MDGA2: variants seen among roughly 807,000 people sequenced by gnomAD.
MDGA2 encodes the protein MAM domain-containing glycosylphosphatidylinositol anchor protein 2.
Under a neutral mutation model 117.8 loss-of-function variants are expected in MDGA2, and 40 were observed. The ratio of observed to expected loss-of-function variants is 0.34; its 90% CI spans 0.26 to 0.44. The LOEUF (loss-of-function observed/expected upper bound fraction) is 0.44, where lower values mean the gene tolerates loss of function less well. MDGA2 is among the 20% of genes least tolerant of loss of function. The probability of loss-of-function intolerance (pLI) is 1.00; values close to 1 mark genes in which losing one functional copy is unlikely to be tolerated. For missense variants in MDGA2, 1,123 were observed against 1,250.6 expected (o/e 0.90, Z 1.54); for synonymous variants, 452 against 439.0 (o/e 1.03, Z -0.37).
intron 1 of MDGA2, among the ~76,000 whole-genome samples, chr14:47,312,228 A>G (rs945847169): frequency 3.3e-5 from 5 of 152,104 alleles, no homozygotes; most frequent in African/African-American, 9.7e-5. Flanking sequence ...TCGCTCTGTA[A>G]GTATGTATCT....
At chr14:46,997,669 G>T (rs1219838993) in intron 8 of MDGA2, among the ~76,000 whole-genome samples, 11 of 152,070 alleles carry the variant, frequency 7.2e-5, no homozygotes, top group Admixed American at 7.2e-4. Context: ...TGTTGTTACT[G>T]CTGCCAAAAA....
chr14:47,034,992 T>C lies in MDGA2; in HGVS notation c.1819+19A>G, dbSNP rs773700694. 1 of 1,594,866 alleles carries C rather than the reference T, an allele frequency of 6.3e-7. No homozygotes were observed. The highest frequency in any genetic ancestry group is 1.7e-5 in the Admixed American group (1 of 58,850). On this transcript the variant is annotated intron_variant, in intron 8 of 16. Transcript: ENST00000399232. The stretch of plus-strand genomic sequence containing the variant: ...TCCCTTGTCCCCATATGGAAATGCA[T>C]AAAAGGGAATTTACTTACACTGAAC...
chr14:47,465,292 A>C (rs1448689806), intron 1 of MDGA2, among the ~76,000 whole-genome samples: 1 of 152,202 alleles, frequency 6.6e-6, no homozygotes, highest in Admixed American at 6.5e-5. Context: ...CATGACAAAG[A>C]TACCAAAAGC....
At chr14:47,412,449 T>C (rs1482463057) in intron 1 of MDGA2, among the ~76,000 whole-genome samples, 2 of 152,070 alleles carry the variant, frequency 1.3e-5, no homozygotes, top group African/African-American at 4.8e-5. Flanking sequence ...ACCCAACTAA[T>C]GTTTTTAATT....
intron 7 of MDGA2, among the ~76,000 whole-genome samples, chr14:47,035,860 A>G (rs1465493919): frequency 6.6e-6 from 1 of 152,184 alleles, no homozygotes; most frequent in Non-Finnish European, 1.5e-5. Context: ...TGAATTTATT[A>G]TTATTTCACT....
chr14:47,592,837 C>G (rs1896466386), intron 1 of MDGA2, among the ~76,000 whole-genome samples: 1 of 152,168 alleles, frequency 6.6e-6, no homozygotes, highest in Non-Finnish European at 1.5e-5. Context: ...GCAAAGATTT[C>G]ATGACGAAAA....
rs772548359 is a variant in MDGA2 at position 47,239,559 on chromosome 14, G to T, written c.421-21364C>A. ...TACCAGGCATACAATTTTAATTGAA[G>T]AGAATTTTTGTTACTTCTTAATATT... On this transcript the variant is annotated intron_variant, in intron 2 of 16. Transcript: ENST00000399232. 5.3e-5 allele frequency among the ~76,000 whole-genome samples: 8 copies of T among 151,820 alleles called. 2 individuals are homozygous for T. The highest frequency in any genetic ancestry group is 1.2e-4 in the Non-Finnish European group (8 of 67,818).
At chr14:47,262,049 C>T (rs893713824) in intron 2 of MDGA2, among the ~76,000 whole-genome samples, 1 of 152,098 alleles carries the variant, frequency 6.6e-6, no homozygotes, top group African/African-American at 2.4e-5. Context: ...ACAGTAGTGG[C>T]TGTAAACAGG....
chr14:46,849,848 C>T (rs1332062683), intron 15 of MDGA2, among the ~76,000 whole-genome samples: 1 of 151,836 alleles, frequency 6.6e-6, no homozygotes, highest in Non-Finnish European at 1.5e-5. Flanking sequence ...AAACCATTTT[C>T]GTTTCCTCTT....
chr14:46,934,006 T>C (rs987251733), intron 9 of MDGA2, among the ~76,000 whole-genome samples: 3 of 151,448 alleles, frequency 2.0e-5, no homozygotes, highest in African/African-American at 7.3e-5. Flanking sequence ...TTTCTCAAAA[T>C]AAGTTTAGTT....
chr14:47,494,475 C>A (rs961113244), intron 1 of MDGA2, among the ~76,000 whole-genome samples: 1 of 152,116 alleles, frequency 6.6e-6, no homozygotes, highest in African/African-American at 2.4e-5. Context: ...TTCTCCCATT[C>A]TTTAGGTTGT....
Position 47,144,081 on chromosome 14 carries a change from G to T in MDGA2, c.789C>A (p.Thr263=), listed in dbSNP as rs953047307. 1 of 1,546,476 alleles carries T rather than the reference G, an allele frequency of 6.5e-7. No individual in the cohort carries two copies. Among genetic ancestry groups the T allele is most frequent in the African/African-American group, 1.4e-5 (1 of 72,844 alleles). ...AATACTGTACCTTAATTCATACCTGGGTAAAGAATGGTTCATAAATCTCAA... is the reference window on the plus strand; with the variant it reads ...AATACTGTACCTTAATTCATACCTGTGTAAAGAATGGTTCATAAATCTCAA... ...KGVEIYEPFF[T]QGETKILKLK... Residue 263 remains threonine (T), a synonymous_variant, in exon 4 of 17, where the codon ACC becomes ACA. Transcript: ENST00000399232.
intron 9 of MDGA2, among the ~76,000 whole-genome samples, chr14:46,951,831 C>G (rs991343911): frequency 1.3e-5 from 2 of 151,864 alleles, no homozygotes; most frequent in Non-Finnish European, 2.9e-5. Flanking sequence ...CACATAGAAA[C>G]TGTGAGACAA....
At chr14:47,251,460 T>C (rs1012354579) in intron 2 of MDGA2, among the ~76,000 whole-genome samples, 2 of 148,444 alleles carry the variant, frequency 1.3e-5, no homozygotes, top group Non-Finnish European at 3.0e-5. Flanking sequence ...CACTTTATTA[T>C]ATTTAGTACA....
intron 1 of MDGA2, among the ~76,000 whole-genome samples, chr14:47,361,367 C>T (rs1299832302): frequency 2.6e-5 from 4 of 151,992 alleles, no homozygotes; most frequent in African/African-American, 9.7e-5. Context: ...CCTGCCAGCA[C>T]CTTGATCTTG....
At chr14:47,200,559 A>G (rs1885464065) in intron 3 of MDGA2, 1 of 619,894 alleles carries the variant, frequency 1.6e-6, no homozygotes, top group Non-Finnish European at 2.4e-6. Flanking sequence ...TGAGGAGTTA[A>G]CAGTCTTTAT....
intron 3 of MDGA2, among the ~76,000 whole-genome samples, chr14:47,158,359 GGTGGGTGTGTGTGT>G (rs1319651227): frequency 8.3e-6 from 1 of 119,984 alleles, no homozygotes; most frequent in Non-Finnish European, 1.8e-5. Context: ...ATATCCCTGG[GGTGGGTGTGTGTGT>G]GTGTGTGTGT....
At chr14:46,880,050 G>A (rs764573110) in intron 11 of MDGA2, among the ~76,000 whole-genome samples, 2 of 151,990 alleles carry the variant, frequency 1.3e-5, no homozygotes, top group Non-Finnish European at 2.9e-5. Context: ...ACGTTTGGCC[G>A]GGTGCTGTGG....
At chr14:47,039,649 C>A (rs1320408358) in intron 7 of MDGA2, among the ~76,000 whole-genome samples, 1 of 152,104 alleles carries the variant, frequency 6.6e-6, no homozygotes, top group Non-Finnish European at 1.5e-5. Flanking sequence ...AAACAACAAC[C>A]TGAAAACAGC....
Sources: gnomAD v4.1 joint callset for allele counts (sites outside exome capture counted in the v4.1 genomes callset) on GRCh38, gnomAD v4.1.1 for gene constraint, MANE v1.5 for transcripts, NCBI Gene and HGNC (gene_info 2026-07-23, HGNC 2026-07-21) for gene names.